SLC26A5: variants seen among roughly 807,000 people sequenced by gnomAD.
SLC26A5 encodes prestin.
Under a neutral mutation model 81.0 loss-of-function variants are expected in SLC26A5, and 51 were observed. The ratio of observed to expected loss-of-function variants is 0.63; its 90% CI spans 0.50 to 0.80. The LOEUF is 0.80. Ranked by LOEUF, SLC26A5 falls within the 30% of genes least tolerant of loss-of-function variation. The pLI is 0.00. For synonymous variants in SLC26A5, 325 were observed against 332.8 expected (o/e 0.98, Z 0.25); for missense variants, 771 against 905.8 (o/e 0.85, Z 1.91).
At chr7:103,407,085 C>T (rs1824118007) in intron 8 of SLC26A5, among the ~76,000 whole-genome samples, 1 of 152,194 alleles carries the variant, frequency 6.6e-6, no homozygotes, top group Non-Finnish European at 1.5e-5. Context: ...GGGCACTGTG[C>T]AAACTTCTAG....
At chr7:103,380,618 A>G (rs2116377736) in intron 14 of SLC26A5, 69 bp from the exon 15 acceptor site, 3 of 1,418,886 alleles carry the variant, frequency 2.1e-6, no homozygotes, top group East Asian at 4.6e-5. Flanking sequence ...GAGGTTGTGT[A>G]TGTTTATGTC....
intron 4 of SLC26A5, among the ~76,000 whole-genome samples, chr7:103,417,983 C>A (rs968270539): frequency 6.6e-6 from 1 of 152,148 alleles, no homozygotes; most frequent in African/African-American, 2.4e-5. Context: ...CTCAGGTTAT[C>A]CACCCACCTT....
chr7:103,381,962 C>T (rs1243689910), intron 14 of SLC26A5, among the ~76,000 whole-genome samples: 1 of 151,588 alleles, frequency 6.6e-6, no homozygotes, highest in Admixed American at 6.6e-5. Context: ...TCACGTATAC[C>T]TCACACCACA....
intron 2 of SLC26A5, among the ~76,000 whole-genome samples, chr7:103,432,459 A>C (rs942931121): frequency 6.6e-6 from 1 of 152,172 alleles, no homozygotes. Context: ...TTTAACTTCC[A>C]GTTTAATAAT....
chr7:103,385,069 G>T (rs1050590677), intron 14 of SLC26A5, among the ~76,000 whole-genome samples: 1 of 152,050 alleles, frequency 6.6e-6, no homozygotes, highest in African/African-American at 2.4e-5. Flanking sequence ...GTGAGCTTTG[G>T]GGGGCAGAAG....
At chr7:103,437,841 T>C (rs578017930) in intron 2 of SLC26A5, among the ~76,000 whole-genome samples, 10 of 152,264 alleles carry the variant, frequency 6.6e-5, no homozygotes, top group African/African-American at 2.2e-4. Context: ...TAGACAAGAA[T>C]AGGTTTTGAG....
At chr7:103,389,188 C>G in intron 13 of SLC26A5, 74 bp from the exon 14 acceptor site, 1 of 1,229,480 alleles carries the variant, frequency 8.1e-7, no homozygotes, top group Non-Finnish European at 1.2e-6. Flanking sequence ...CAAGTGTGCA[C>G]ACACACACAT....
At chr7:103,364,958 C>CATATATACATATATATATAT (rs1820619597) in intron 19 of SLC26A5, among the ~76,000 whole-genome samples, 4 of 125,500 alleles carry the variant, frequency 3.2e-5, no homozygotes, top group Admixed American at 1.7e-4. Context: ...TGTAGACATA[C>CATATATACATATATATATAT]ATATATATAT....
chr7:103,353,018 A>C, intron 19 of SLC26A5: 1 of 776,390 alleles, frequency 1.3e-6, no homozygotes, highest in Non-Finnish European at 2.4e-6. Context: ...AAAGCACATG[A>C]GTATTGATTT....
At chr7:103,385,145 G>A (rs1452256434) in intron 14 of SLC26A5, among the ~76,000 whole-genome samples, 2 of 151,432 alleles carry the variant, frequency 1.3e-5, no homozygotes, top group Non-Finnish European at 2.9e-5. Context: ...GCAGAATGAT[G>A]TGATTGTCTC....
At chr7:103,400,364 GTCT>G (rs1452867536) in intron 8 of SLC26A5, among the ~76,000 whole-genome samples, 5 of 152,178 alleles carry the variant, frequency 3.3e-5, no homozygotes, top group Non-Finnish European at 5.9e-5. Context: ...CTGCATAAAC[GTCT>G]TCTTTTGAAA....
rs766686458 is a variant in SLC26A5, at chr7:103,362,111, A to G, written c.2042-9185T>C. On this transcript the variant is annotated intron_variant, in intron 19 of 19. Coordinates refer to the SLC26A5 transcript ENST00000339444. ...GGGGTAAGATTTCTATTTACAATAA[A>G]TACTTTTCTTTCACTAAGGATACTG... 3 of 1,611,138 alleles carry G rather than the reference A, an allele frequency of 1.9e-6. No individual in the cohort carries two copies. In the South Asian group the frequency reaches 3.3e-5, roughly 18 times the overall value.
At chr7:103,354,514 G>A (rs933571465) in intron 19 of SLC26A5, among the ~76,000 whole-genome samples, 2 of 151,734 alleles carry the variant, frequency 1.3e-5, no homozygotes, top group Non-Finnish European at 2.9e-5. Flanking sequence ...GATTATGAGC[G>A]CCCACCACCA....
chr7:103,404,956 CT>C, intron 8 of SLC26A5, among the ~76,000 whole-genome samples: 1 of 151,882 alleles, frequency 6.6e-6, no homozygotes, highest in East Asian at 1.9e-4. Flanking sequence ...CTCTGATACC[CT>C]TTCTTCTGTT....
At chr7:103,412,286 T>C (rs182895174) in intron 5 of SLC26A5, among the ~76,000 whole-genome samples, 3,757 of 152,216 alleles carry the variant, frequency 0.025, 152 homozygotes, top group African/African-American at 0.086. Context: ...CATATGCCCC[T>C]GATAAACTGA....
intron 9 of SLC26A5, among the ~76,000 whole-genome samples, chr7:103,396,332 C>G (rs1330964675): frequency 6.6e-6 from 1 of 152,034 alleles, no homozygotes; most frequent in African/African-American, 2.4e-5. Context: ...GGTATATACC[C>G]AAAAGAACTG....
At chr7:103,371,309 C>G (rs1001869972), downstream of SLC26A5, among the ~76,000 whole-genome samples, 22 of 151,800 alleles carry the variant, frequency 1.4e-4, no homozygotes, top group Admixed American at 9.2e-4. Context: ...AAGACAAATA[C>G]CTTTTTTTAT....
chr7:103,437,760 G>C (rs1223101956), intron 2 of SLC26A5, among the ~76,000 whole-genome samples: 1 of 152,140 alleles, frequency 6.6e-6, no homozygotes, highest in Non-Finnish European at 1.5e-5. Flanking sequence ...GAATGGTGTT[G>C]ACCAGAGGCT....
intron 9 of SLC26A5, among the ~76,000 whole-genome samples, chr7:103,394,888 G>A (rs528693816): frequency 2.0e-5 from 3 of 152,322 alleles, no homozygotes; most frequent in South Asian, 4.1e-4. Context: ...TAAATTCTCT[G>A]CTTTTCTTTC....
Sources: gnomAD v4.1 joint callset for allele counts (sites outside exome capture counted in the v4.1 genomes callset) on GRCh38, gnomAD v4.1.1 for gene constraint, MANE v1.5 for transcripts, NCBI Gene and HGNC (gene_info 2026-07-23, HGNC 2026-07-21) for gene names.